The following STAT5A variants were observed in gnomAD, a reference collection of about 807,000 sequenced individuals.
STAT5A encodes signal transducer and activator of transcription 5A.
STAT5A carries 26 observed loss-of-function variants against 100.2 expected under a neutral mutation model. The ratio of observed to expected loss-of-function variants is 0.26; its 90% confidence interval spans 0.19 to 0.36. The LOEUF (loss-of-function observed/expected upper bound fraction) is 0.36, where lower values mean the gene tolerates loss of function less well. Among genes scored for constraint, STAT5A ranks in the 10% least tolerant of loss-of-function variants. STAT5A has a pLI of 1.00. For missense variants in STAT5A, 634 were observed against 1,027.5 expected (o/e 0.62, Z 5.24); for synonymous variants, 330 against 424.3 (o/e 0.78, Z 2.73).
chr17:42,309,784 T>A, intron 18 of STAT5A: 1 of 299,728 alleles, frequency 3.3e-6, no homozygotes. Context: ...AGCATTAAAC[T>A]GAGACAGTGT....
Position 42,308,885 on chromosome 17 carries a change from G to A in STAT5A, c.2063-162G>A. 6.0e-6 allele frequency: 5 copies of A among 838,684 alleles called. No individual in the cohort carries two copies. The highest frequency in any genetic ancestry group is 9.7e-6 in the Non-Finnish European group (5 of 515,592). The allele number at this position is 838,684 out of a possible 1,614,324, so 52.0% of individuals were successfully genotyped here. ...CAGGGGTCTCAGTGACCCTCAGGCA[G>A]GATTCATCAGCTGGTGTTTATTGGG... On this transcript the variant is annotated intron_variant, in intron 16 of 18. Coordinates refer to ENST00000590949, the MANE Select transcript of STAT5A (RefSeq NM_001288718.2). This position sits in a 1 kb window ranked among gnomAD's most constrained non-coding sequence, Gnocchi z 4.6.
intron 1 of STAT5A, 186 bp from the exon 2 acceptor site, chr17:42,289,216 T>G: frequency 1.4e-4 from 76 of 525,108 alleles, no homozygotes; most frequent in Non-Finnish European, 2.1e-4. Flanking sequence ...GCGGGTTCCT[T>G]GTTGGAGGGG....
Position 42,310,627 on chromosome 17 carries a change from C to T in STAT5A, c.2343C>T (p.Pro781=). Residue 781 remains proline (P), a synonymous_variant, in exon 19 of 19, where the codon CCC becomes CCT. Transcript: ENST00000590949. ...PMDSLDSRLS[P]PAGLFTSARG... is the part of the protein sequence containing the mutation. ...ACAGTCTTGACTCCCGCCTCTCGCC[C>T]CCTGCCGGTCTTTTCACCTCTGCCA... The T allele has an allele frequency of 6.2e-7, 1 of 1,614,204 alleles. No individual in the cohort carries two copies. Among genetic ancestry groups the T allele is most frequent in the Non-Finnish European group, 8.5e-7 (1 of 1,180,042 alleles).
chr17:42,309,188 C>T (rs539948623), intron 17 of STAT5A, 90 bp downstream of exon 17: 31 of 1,607,750 alleles, frequency 1.9e-5, no homozygotes, highest in African/African-American at 1.6e-4. Context: ...CCCAGCTTTC[C>T]GCTCCCCCAG....
At chr17:42,289,717 C>G (rs2080851577) in intron 2 of STAT5A, 149 bp from the exon 3 acceptor site, 1 of 1,376,314 alleles carries the variant, frequency 7.3e-7, no homozygotes, top group Non-Finnish European at 9.6e-7. Flanking sequence ...TTTTTAGACT[C>G]GGATGTCTGT....
chr17:42,291,772 C>T (rs566404849), intron 3 of STAT5A, among the ~76,000 whole-genome samples, 200 bp from the exon 4 acceptor site: 8 of 150,754 alleles, frequency 5.3e-5, no homozygotes, highest in Admixed American at 3.3e-4. Context: ...GTTTTTAATT[C>T]GCTCCAAACC....
intron 18 of STAT5A, 114 bp downstream of exon 18, chr17:42,309,598 A>G (rs1201336021): frequency 5.7e-6 from 6 of 1,050,790 alleles, no homozygotes; most frequent in Non-Finnish European, 6.9e-6. Context: ...GCCCAAGTCC[A>G]GGAGGAGTGA....
chr17:42,303,761 G>A (rs551107545), intron 9 of STAT5A, among the ~76,000 whole-genome samples: 3 of 152,278 alleles, frequency 2.0e-5, no homozygotes, highest in Admixed American at 6.5e-5. Flanking sequence ...ATGTGTTTAA[G>A]GCGGGGGTGA....
At chr17:42,307,931 C>T (rs1426411656) in intron 15 of STAT5A, among the ~76,000 whole-genome samples, 2 of 152,186 alleles carry the variant, frequency 1.3e-5, no homozygotes, top group Admixed American at 6.5e-5. Flanking sequence ...GACTCCAGGA[C>T]GGCTGGGCGA....
At position 42,309,577 on chromosome 17, in the gene STAT5A, G is replaced by A. The variant is rs968092749; in HGVS notation, c.2222+93G>A. On this transcript the variant is annotated intron_variant, in intron 18 of 18. Coordinates refer to ENST00000590949, the MANE Select transcript of STAT5A (RefSeq NM_001288718.2). ...AGGGCTGGCGGGCAAAGGATCCAGA[G>A]CTCTGGTTAGGCCCAAGTCCAGGAG... 8 of 1,344,654 alleles carry A rather than the reference G, an allele frequency of 5.9e-6. No homozygotes were observed. In the African/African-American group the frequency reaches 1.2e-4, roughly 20 times the overall value. The allele number at this position is 1,344,654 out of a possible 1,614,324, so 83.3% of individuals were successfully genotyped here.
In STAT5A at chr17:42,308,409, C is replaced by A. The variant is rs148176754; in HGVS notation, c.2062+76C>A. On this transcript the variant is annotated intron_variant, in intron 16 of 18. Transcript: ENST00000590949. This position sits in a 1 kb window ranked among gnomAD's most constrained non-coding sequence, Gnocchi z 4.6. ...AGCCCATAGACAAAGCCTTGGGCTG[C>A]GCCGTGGGGACTTCCCCAGGAGGAG... 3 of 1,599,228 alleles carry A rather than the reference C, an allele frequency of 1.9e-6. No individual in the cohort carries two copies. The highest frequency in any genetic ancestry group is 2.6e-6 in the Non-Finnish European group (3 of 1,171,194).
In STAT5A at chr17:42,289,889, C is replaced by G; in HGVS notation, c.152C>G (p.Pro51Arg). The change falls in exon 3 of 19, where the codon CCC becomes CGC. Residue 51 changes from proline to arginine, a missense_variant. By Grantham distance (103) the Pro-to-Arg change is moderately radical. Around this residue, in one of 5 missense-constraint regions of STAT5A, gnomAD observed 207 missense variants for 256.6 expected, o/e 0.81. Transcript: ENST00000590949. Reference protein sequence around the residue: ...QPWDAIDLDNPQDRAQATQLL... With the variant: ...QPWDAIDLDNRQDRAQATQLL... ...AGGGATGCCATTGACTTGGACAATCCCCAGGACAGAGCCCAAGCCACCCAG... is the reference window on the plus strand; with the variant it reads ...AGGGATGCCATTGACTTGGACAATCGCCAGGACAGAGCCCAAGCCACCCAG... The G allele has an allele frequency of 6.3e-7, 1 of 1,583,722 alleles. No individual in the cohort carries two copies. Among genetic ancestry groups the G allele is most frequent in the Non-Finnish European group, 8.6e-7 (1 of 1,164,468 alleles).
In STAT5A at chr17:42,304,390, C is replaced by T. The variant is rs781094254; in HGVS notation, c.1218C>T (p.His406=). ...ILNNCCVMEY[H]QATGTLSAHF... ...ACAACTGCTGCGTGATGGAGTACCA[C>T]CAAGCCACGGGCACCCTCAGTGCCC... Residue 406 remains histidine (H), a synonymous_variant, in exon 10 of 19, where the codon CAC becomes CAT. Transcript: ENST00000590949. This position sits in a 1 kb window ranked among gnomAD's most constrained non-coding sequence, Gnocchi z 4.8. 1.1e-5 allele frequency: 17 copies of T among 1,614,120 alleles called. No individual in the cohort carries two copies. In the Admixed American group the frequency reaches 1.5e-4, roughly 14 times the overall value.
At chr17:42,298,856 T>C (rs2080946650) in intron 5 of STAT5A, among the ~76,000 whole-genome samples, 1 of 152,206 alleles carries the variant, frequency 6.6e-6, no homozygotes, top group Non-Finnish European at 1.5e-5. Flanking sequence ...ATGAGACTCC[T>C]CACAGATGGT....
intron 3 of STAT5A, 58 bp from the exon 4 acceptor site, chr17:42,291,914 G>C: frequency 1.3e-6 from 2 of 1,587,850 alleles, no homozygotes; most frequent in Non-Finnish European, 1.7e-6. Context: ...GGCATAGCAT[G>C]GGGCTGGCAT....
chr17:42,309,717 C>T (rs1188678794), intron 18 of STAT5A: 4 of 462,148 alleles, frequency 8.7e-6, no homozygotes, highest in African/African-American at 3.9e-5. Context: ...CTCTGATGCT[C>T]AAGTTTCCTT....
At chr17:42,310,344 G>A (rs995741532) in intron 18 of STAT5A, among the ~76,000 whole-genome samples, 163 bp from the exon 19 acceptor site, 4 of 152,202 alleles carry the variant, frequency 2.6e-5, no homozygotes, top group African/African-American at 9.7e-5. Context: ...GAAGCCAGTG[G>A]GCTGACTGCT....
rs2081073847 is a variant in STAT5A at position 42,310,815 on chromosome 17, C to T, written c.*146C>T. On this transcript the variant is annotated 3_prime_UTR_variant, in exon 19 of 19. Transcript: ENST00000590949. Reference sequence around the variant, plus strand: ...GTGTGTGTGTGTCCTTGTGCATGAGCTACGCCTGCCTCCCCTGTGCAGTCC... The same window carrying T: ...GTGTGTGTGTGTCCTTGTGCATGAGTTACGCCTGCCTCCCCTGTGCAGTCC... 1.5e-6 allele frequency: 2 copies of T among 1,362,742 alleles called. No homozygotes were observed. The highest frequency in any genetic ancestry group is 5.0e-5 in the East Asian group (2 of 40,236). 84.4% of individuals were successfully genotyped at this position (1,362,742 alleles called of 1,614,324 possible).
rs2080847586 is a variant in STAT5A at position 42,289,444 on chromosome 17, G to A, written c.33G>A (p.Gln11=). Residue 11 remains glutamine, a synonymous_variant, in exon 2 of 19, where the codon CAG becomes CAA. Coordinates refer to ENST00000590949, the MANE Select transcript of STAT5A (RefSeq NM_001288718.2). ...GCTGGATCCAGGCCCAGCAGCTGCA[G>A]GGAGACGCGCTGCGCCAGATGCAGG... is the stretch of plus-strand genomic sequence containing the variant. MAGWIQAQQL[Q]GDALRQMQVL... 6.2e-7 allele frequency: 1 copy of A among 1,612,642 alleles called. No homozygotes were observed. The highest frequency in any genetic ancestry group is 1.3e-5 in the African/African-American group (1 of 74,940).
Sources: allele counts gnomAD v4.1 joint callset (sites outside exome capture counted in the v4.1 genomes callset), GRCh38; gene constraint gnomAD v4.1.1; regional missense constraint gnomAD v4.1.1; non-coding constraint Gnocchi (gnomAD v3.1); transcripts MANE v1.5; gene names NCBI Gene and HGNC (gene_info 2026-07-23, HGNC 2026-07-21).